Variants in CNTNAP2 observed in about 807,000 individuals in gnomAD.
CNTNAP2 encodes contactin associated protein 2, also known as contactin-associated protein-like 2.
A neutral mutation model predicts 155.2 loss-of-function variants in CNTNAP2; 98 were observed. The ratio of observed to expected loss-of-function variants is 0.63; its 90% CI spans 0.54 to 0.75. The LOEUF (loss-of-function observed/expected upper bound fraction) is 0.75. Ranked by LOEUF, CNTNAP2 falls within the 30% of genes least tolerant of loss-of-function variation. The probability of loss-of-function intolerance (pLI) is 0.00; values close to 1 mark genes in which losing one functional copy is unlikely to be tolerated. For missense variants in CNTNAP2, 1,727 were observed against 1,688.1 expected (o/e 1.02, Z -0.40); for synonymous variants, 651 against 631.2 (o/e 1.03, Z -0.47).
intron 15 of CNTNAP2, among the ~76,000 whole-genome samples, chr7:148,076,422 C>CTTTTTTTT (rs771048326): frequency 0.031 from 1,554 of 49,808 alleles, 346 homozygotes; most frequent in East Asian, 0.074. Flanking sequence ...GCTCTGACTT[C>CTTTTTTTT]TTTTTTTTTT....
intron 8 of CNTNAP2, among the ~76,000 whole-genome samples, chr7:147,275,722 G>A (rs1249240773): frequency 6.6e-6 from 1 of 152,014 alleles, no homozygotes; most frequent in East Asian, 1.9e-4. Context: ...TATTGAGGGT[G>A]GGCATCCTTG....
At chr7:146,458,811 G>C (rs1204630500) in intron 1 of CNTNAP2, among the ~76,000 whole-genome samples, 2 of 152,046 alleles carry the variant, frequency 1.3e-5, no homozygotes, top group Admixed American at 1.3e-4. Flanking sequence ...AAAAAGATTG[G>C]CTTCTCATGA....
At chr7:146,966,639 A>G (rs1048684316) in intron 3 of CNTNAP2, among the ~76,000 whole-genome samples, 22 of 152,232 alleles carry the variant, frequency 1.4e-4, no homozygotes, top group African/African-American at 5.3e-4. Context: ...GTTACACAGT[A>G]TGAGCAAGTA....
chr7:147,642,053 G>C (rs1403956771), intron 13 of CNTNAP2, among the ~76,000 whole-genome samples: 2 of 151,294 alleles, frequency 1.3e-5, no homozygotes, highest in Non-Finnish European at 2.9e-5. Context: ...TCTGTTTCCA[G>C]TGCCAGGAAA....
At chr7:147,060,659 A>C (rs1013848242) in intron 4 of CNTNAP2, among the ~76,000 whole-genome samples, 4 of 152,078 alleles carry the variant, frequency 2.6e-5, no homozygotes, top group African/African-American at 4.8e-5. Flanking sequence ...GTCAGGAGAT[A>C]GAGACCATCT....
At chr7:146,555,529 T>A (rs1231230662) in intron 1 of CNTNAP2, among the ~76,000 whole-genome samples, 1 of 151,464 alleles carries the variant, frequency 6.6e-6, no homozygotes, top group East Asian at 1.9e-4. Context: ...TATCTATCTA[T>A]CTATCTATCT....
intron 1 of CNTNAP2, among the ~76,000 whole-genome samples, chr7:146,563,604 A>C (rs1344416437): frequency 6.6e-6 from 1 of 152,158 alleles, no homozygotes; most frequent in East Asian, 1.9e-4. Flanking sequence ...GTCCTAATAT[A>C]GTATAGTACA....
At chr7:146,167,578 G>A (rs1798330329) in intron 1 of CNTNAP2, among the ~76,000 whole-genome samples, 1 of 152,184 alleles carries the variant, frequency 6.6e-6, no homozygotes. Flanking sequence ...AAGGAGTTTA[G>A]AATGATGCTT....
intron 14 of CNTNAP2, among the ~76,000 whole-genome samples, chr7:147,965,089 C>G (rs1801182144): frequency 1.3e-5 from 2 of 152,154 alleles, no homozygotes; most frequent in South Asian, 2.1e-4. Flanking sequence ...GAAAGAAGCC[C>G]AGGTGCTCCT....
chr7:146,423,036 G>T (rs1190365838), intron 1 of CNTNAP2, among the ~76,000 whole-genome samples: 1 of 152,058 alleles, frequency 6.6e-6, no homozygotes. Context: ...CTTGCAAAAT[G>T]TACCTAATGC....
intron 21 of CNTNAP2, among the ~76,000 whole-genome samples, chr7:148,334,359 G>C (rs1305341235): frequency 6.6e-6 from 1 of 152,126 alleles, no homozygotes; most frequent in Non-Finnish European, 1.5e-5. Context: ...GGTGCAGCCT[G>C]GTGACAGTCA....
intron 13 of CNTNAP2, among the ~76,000 whole-genome samples, chr7:147,803,357 TGC>T (rs1367672290): frequency 3.9e-5 from 6 of 152,178 alleles, no homozygotes; most frequent in Non-Finnish European, 8.8e-5. Flanking sequence ...TTCATAGAAA[TGC>T]AGCCAGCAAA....
intron 13 of CNTNAP2, among the ~76,000 whole-genome samples, chr7:147,659,151 G>C (rs377141029): frequency 1.5e-3 from 234 of 152,272 alleles, no homozygotes; most frequent in African/African-American, 5.2e-3. Context: ...GAAAATCTGG[G>C]TGGACTCAGA....
intron 1 of CNTNAP2, among the ~76,000 whole-genome samples, chr7:146,155,999 TGGGC>T (rs1196376861): frequency 6.6e-6 from 1 of 151,962 alleles, no homozygotes; most frequent in Admixed American, 6.6e-5. Flanking sequence ...CCACTACACT[TGGGC>T]GACAATATCA....
chr7:147,887,261 C>G (rs984932416), intron 13 of CNTNAP2, among the ~76,000 whole-genome samples: 2 of 152,158 alleles, frequency 1.3e-5, no homozygotes, highest in African/African-American at 4.8e-5. Context: ...CACCTGTGGT[C>G]AGGAGTTCGA....
At chr7:147,328,495 G>A (rs963095532) in intron 9 of CNTNAP2, among the ~76,000 whole-genome samples, 1 of 152,164 alleles carries the variant, frequency 6.6e-6, no homozygotes, top group African/African-American at 2.4e-5. Flanking sequence ...CAAGGACTGG[G>A]ACGACTGAAT....
chr7:146,124,511 A>G (rs879292063), intron 1 of CNTNAP2, among the ~76,000 whole-genome samples: 22 of 152,216 alleles, frequency 1.4e-4, no homozygotes, highest in Non-Finnish European at 3.1e-4. Flanking sequence ...GTGAAATTAT[A>G]GCATATTTTA....
intron 1 of CNTNAP2, among the ~76,000 whole-genome samples, chr7:146,357,900 T>A (rs1332224966): frequency 1.7e-5 from 2 of 119,156 alleles, no homozygotes; most frequent in Non-Finnish European, 3.2e-5. Context: ...AGTATACACA[T>A]AAAAGAATGC....
intron 13 of CNTNAP2, among the ~76,000 whole-genome samples, chr7:147,704,922 C>G (rs1796288584): frequency 6.6e-6 from 1 of 151,876 alleles, no homozygotes; most frequent in African/African-American, 2.4e-5. Flanking sequence ...TGTAATGTCT[C>G]TTTTCTATTT....
Sources: allele counts gnomAD v4.1 joint callset (sites outside exome capture counted in the v4.1 genomes callset), GRCh38; gene constraint gnomAD v4.1.1; transcripts MANE v1.5; gene names NCBI Gene and HGNC (gene_info 2026-07-23, HGNC 2026-07-21).